The following SLC2A9 variants were observed in gnomAD, a reference collection of about 807,000 sequenced individuals.
The protein encoded by SLC2A9 is solute carrier family 2, facilitated glucose transporter member 9.
In SLC2A9, 39 loss-of-function variants were observed where a neutral mutation model predicts 50.6. That is an observed-to-expected ratio of 0.77 (90% CI 0.60 to 1.01). The LOEUF (loss-of-function observed/expected upper bound fraction) is 1.01. Among genes scored for constraint, SLC2A9 ranks in the 50% least tolerant of loss-of-function variants. The pLI is 0.00. For synonymous variants in SLC2A9, 324 were observed against 276.9 expected, an observed-to-expected ratio of 1.17 and a Z score of -1.69; for missense variants, 686 against 677.6, an observed-to-expected ratio of 1.01 and a Z score of -0.14.
chr4:9,986,756 AATT>A (rs1411201298), intron 3 of SLC2A9, among the ~76,000 whole-genome samples: 1 of 152,198 alleles, frequency 6.6e-6, no homozygotes, highest in Non-Finnish European at 1.5e-5. Context: ...CCATGGCAAT[AATT>A]ATTATTAACA....
chr4:9,820,336 A>G (rs1038814628), intron 3 of SLC2A9, among the ~76,000 whole-genome samples: 2 of 152,164 alleles, frequency 1.3e-5, no homozygotes, highest in African/African-American at 4.8e-5. Context: ...ACTTTCACCA[A>G]TATTGTAGTG....
At chr4:9,967,380 AT>A (rs1263454057) in intron 5 of SLC2A9, among the ~76,000 whole-genome samples, 2 of 152,102 alleles carry the variant, frequency 1.3e-5, no homozygotes, top group Non-Finnish European at 2.9e-5. Context: ...AAACATGTTT[AT>A]AAAACTAAAA....
chr4:9,970,860 T>C (rs914461356), intron 5 of SLC2A9, among the ~76,000 whole-genome samples: 1 of 152,102 alleles, frequency 6.6e-6, no homozygotes, highest in African/African-American at 2.4e-5. Flanking sequence ...CTAAACCTAG[T>C]AGTTAAAATT....
chr4:9,874,846 T>C (rs1032856144), intron 10 of SLC2A9, among the ~76,000 whole-genome samples: 27 of 150,134 alleles, frequency 1.8e-4, no homozygotes, highest in African/African-American at 4.3e-4. Context: ...CATAAGTTAG[T>C]GTCTGTCTAA....
intron 3 of SLC2A9, among the ~76,000 whole-genome samples, chr4:9,989,459 G>A (rs1311328697): frequency 6.6e-6 from 1 of 152,032 alleles, no homozygotes; most frequent in African/African-American, 2.4e-5. Context: ...TGATGACCAT[G>A]CTTTCTTTTT....
At chr4:9,986,266 G>A (rs1043772087) in intron 3 of SLC2A9, among the ~76,000 whole-genome samples, 1 of 152,170 alleles carries the variant, frequency 6.6e-6, no homozygotes. Context: ...GGGGCATGGA[G>A]GAGGGCCCCG....
At chr4:9,921,234 C>T (rs762830489) in intron 6 of SLC2A9, among the ~76,000 whole-genome samples, 1 of 152,148 alleles carries the variant, frequency 6.6e-6, no homozygotes, top group Admixed American at 6.5e-5. Context: ...GGACTCAAAC[C>T]CACCCTCATG....
intron 11 of SLC2A9, among the ~76,000 whole-genome samples, chr4:9,828,705 T>C (rs1024885438): frequency 1.3e-5 from 2 of 152,224 alleles, no homozygotes; most frequent in Non-Finnish European, 2.9e-5. Context: ...AAGGTCATTT[T>C]CTCAGAGAGG....
At chr4:9,945,103 T>G (rs1748877246) in intron 5 of SLC2A9, among the ~76,000 whole-genome samples, 1 of 152,238 alleles carries the variant, frequency 6.6e-6, no homozygotes, top group Non-Finnish European at 1.5e-5. Context: ...GGTAAAGATG[T>G]AATCGCCATC....
At chr4:9,851,301 G>GA (rs1328349495) in intron 10 of SLC2A9, among the ~76,000 whole-genome samples, 1 of 152,198 alleles carries the variant, frequency 6.6e-6, no homozygotes, top group Non-Finnish European at 1.5e-5. Flanking sequence ...TGAAACCCAG[G>GA]AGTGCTGAGC....
At chr4:9,781,975 G>A (rs2108848680) in intron 3 of SLC2A9, 1 of 1,368,508 alleles carries the variant, frequency 7.3e-7, no homozygotes, top group Non-Finnish European at 9.5e-7. Context: ...CTGCCTGGGG[G>A]TCGCAGGGCT....
At chr4:9,901,980 G>A (rs748800430) in intron 8 of SLC2A9, among the ~76,000 whole-genome samples, 3 of 152,218 alleles carry the variant, frequency 2.0e-5, no homozygotes, top group Admixed American at 6.5e-5. Context: ...CTCCTGATAG[G>A]TGGCGTACCC....
intron 3 of SLC2A9, among the ~76,000 whole-genome samples, chr4:9,811,906 A>G (rs777111859): frequency 3.3e-5 from 5 of 152,200 alleles, no homozygotes; most frequent in Non-Finnish European, 7.3e-5. Flanking sequence ...AGGAAAAAAT[A>G]AAGGAGGCAG....
At chr4:9,857,250 C>A (rs1196510351) in intron 10 of SLC2A9, among the ~76,000 whole-genome samples, 1 of 152,172 alleles carries the variant, frequency 6.6e-6, no homozygotes, top group Non-Finnish European at 1.5e-5. Context: ...CACCCTCAGT[C>A]TAGGTCTTGG....
intron 10 of SLC2A9, among the ~76,000 whole-genome samples, chr4:9,883,663 C>A (rs1177270884): frequency 6.6e-6 from 1 of 152,184 alleles, no homozygotes; most frequent in Non-Finnish European, 1.5e-5. Context: ...CTGGGAAGCC[C>A]TAAGCCACTG....
intron 6 of SLC2A9, among the ~76,000 whole-genome samples, chr4:9,921,764 T>C (rs994874239): frequency 6.6e-6 from 1 of 152,258 alleles, no homozygotes; most frequent in African/African-American, 2.4e-5. Context: ...AATGTTTCTG[T>C]TTCATGCATT....
chr4:10,025,240 A>T (rs4345181), upstream of SLC2A9, among the ~76,000 whole-genome samples: 7,483 of 152,316 alleles, frequency 0.049, 539 homozygotes, highest in East Asian at 0.39. Flanking sequence ...CCAAGGTTTA[A>T]GAAGGGCTCA....
At chr4:9,991,012 T>C (rs1236872327) in intron 3 of SLC2A9, among the ~76,000 whole-genome samples, 5 of 152,224 alleles carry the variant, frequency 3.3e-5, no homozygotes, top group Admixed American at 3.3e-4. Context: ...ACATTGGCTC[T>C]GAAGGTGGAT....
intron 3 of SLC2A9, chr4:9,783,229 C>T (rs866493427): frequency 1.9e-6 from 3 of 1,614,110 alleles, no homozygotes; most frequent in East Asian, 2.2e-5. Context: ...ACCAAGACAT[C>T]GTCTTCCACA....
Sources: allele counts gnomAD v4.1 joint callset (sites outside exome capture counted in the v4.1 genomes callset), GRCh38; gene constraint gnomAD v4.1.1; transcripts MANE v1.5; gene names NCBI Gene and HGNC (gene_info 2026-07-23, HGNC 2026-07-21).